The following ASTN1 variants were observed in gnomAD, a reference collection of about 807,000 sequenced individuals.
The protein encoded by ASTN1 is astrotactin-1.
ASTN1 carries 41 observed loss-of-function variants against 140.7 expected under a neutral mutation model. The observed-to-expected ratio is 0.29, with a 90% confidence interval of 0.23 to 0.38. ASTN1 has a LOEUF of 0.38. ASTN1 is among the 10% of genes least tolerant of loss of function. The pLI is 1.00. For missense variants in ASTN1, 1,479 were observed against 1,678.8 expected, an observed-to-expected ratio of 0.88 and a Z score of 2.08; for synonymous variants, 640 against 652.2, an observed-to-expected ratio of 0.98 and a Z score of 0.29.
intron 8 of ASTN1, among the ~76,000 whole-genome samples, chr1:176,985,582 A>C (rs1331890666): frequency 5.9e-5 from 9 of 151,942 alleles, no homozygotes; most frequent in Admixed American, 5.2e-4. Context: ...GTTTGCTGCT[A>C]CCTGGTGGCT....
At chr1:176,906,425 T>A (rs1403531962) in intron 16 of ASTN1, among the ~76,000 whole-genome samples, 1 of 152,208 alleles carries the variant, frequency 6.6e-6, no homozygotes, top group East Asian at 1.9e-4. Flanking sequence ...AGGAAAGTAC[T>A]CTGATAAATA....
intron 2 of ASTN1, among the ~76,000 whole-genome samples, chr1:177,043,813 C>T (rs1029842453): frequency 6.6e-6 from 1 of 152,186 alleles, no homozygotes; most frequent in African/African-American, 2.4e-5. Context: ...CCCTTCATTC[C>T]TTGCCAGCAA....
chr1:176,921,944 A>G (rs953931881), intron 16 of ASTN1, among the ~76,000 whole-genome samples: 6 of 152,154 alleles, frequency 3.9e-5, no homozygotes, highest in Non-Finnish European at 7.4e-5. Flanking sequence ...AAAATATGAC[A>G]TTCACTCGTT....
chr1:177,006,528 C>T (rs977497925), intron 8 of ASTN1, among the ~76,000 whole-genome samples: 4 of 152,026 alleles, frequency 2.6e-5, no homozygotes, highest in African/African-American at 4.8e-5. Flanking sequence ...GTGGAATGCC[C>T]ATGCATGCAG....
At chr1:177,160,913 T>C (rs1266181455) in intron 1 of ASTN1, among the ~76,000 whole-genome samples, 2 of 152,226 alleles carry the variant, frequency 1.3e-5, no homozygotes, top group African/African-American at 4.8e-5. Flanking sequence ...AAGAAGTATA[T>C]TAGGCACAGA....
At chr1:177,039,372 C>G (rs1676868888) in intron 2 of ASTN1, among the ~76,000 whole-genome samples, 1 of 152,236 alleles carries the variant, frequency 6.6e-6, no homozygotes, top group Admixed American at 6.5e-5. Context: ...TAAACACCCT[C>G]TCTCTGATAC....
chr1:177,162,250 C>G (rs868736858), intron 1 of ASTN1, among the ~76,000 whole-genome samples: 1 of 152,200 alleles, frequency 6.6e-6, no homozygotes, highest in African/African-American at 2.4e-5. Context: ...GTTTAACCAC[C>G]CACCCAAACT....
chr1:176,912,567 T>C (rs574826625), intron 16 of ASTN1, among the ~76,000 whole-genome samples: 81 of 152,320 alleles, frequency 5.3e-4, no homozygotes, highest in South Asian at 1.4e-3. Context: ...CCCATTCTCA[T>C]TGAATTCTTA....
In ASTN1 at chr1:177,016,093, T is replaced by C. The variant is rs376107287; in HGVS notation, c.1439-1218A>G. ...TATTTTCTCTTTTCTGAAGATAAAA[T>C]CCAGTAAAAACGAAGTGAAGGGGCC... On this transcript the variant is annotated intron_variant, in intron 7 of 22. Transcript: ENST00000361833. Among the ~76,000 whole-genome samples, 4 of 152,178 alleles carry C rather than the reference T, an allele frequency of 2.6e-5. No homozygotes were observed. In the East Asian group the frequency reaches 7.7e-4, roughly 29 times the overall value.
chr1:176,858,790 G>T (rs1667883552), downstream of ASTN1, among the ~76,000 whole-genome samples: 1 of 152,158 alleles, frequency 6.6e-6, no homozygotes, highest in African/African-American at 2.4e-5. Flanking sequence ...TGGGGTAACT[G>T]GGCTGTGACT....
chr1:176,980,360 C>T (rs909486224), intron 8 of ASTN1, among the ~76,000 whole-genome samples: 1 of 152,034 alleles, frequency 6.6e-6, no homozygotes, highest in Non-Finnish European at 1.5e-5. Flanking sequence ...GGCCTGAGGA[C>T]AGTGGACAGG....
intron 9 of ASTN1, among the ~76,000 whole-genome samples, chr1:176,959,844 C>T (rs551273949): frequency 1.3e-5 from 2 of 152,280 alleles, no homozygotes; most frequent in East Asian, 1.9e-4. Flanking sequence ...GTCAGAGATG[C>T]TTCTGACTCT....
At chr1:177,090,336 C>T (rs953203772) in intron 1 of ASTN1, among the ~76,000 whole-genome samples, 1 of 151,928 alleles carries the variant, frequency 6.6e-6, no homozygotes, top group Non-Finnish European at 1.5e-5. Context: ...ACATGCTAGA[C>T]ATAGCTATAG....
rs1384233893 is a variant in ASTN1, at chr1:177,089,165, G to A, written c.284-27900C>T. On this transcript the variant is annotated intron_variant, in intron 1 of 22. Transcript: ENST00000361833. ...CAGAGGAGGTGACCCAGAAGCTGAC[G>A]CCCTAATCTCATCAATGTGCAGGCA... Among the ~76,000 whole-genome samples, 10 of 152,232 alleles carry A rather than the reference G, an allele frequency of 6.6e-5. No individual in the cohort carries two copies. In the South Asian group the frequency reaches 1.2e-3, roughly 19 times the overall value.
At chr1:177,096,396 A>T (rs1035793106) in intron 1 of ASTN1, among the ~76,000 whole-genome samples, 3 of 152,208 alleles carry the variant, frequency 2.0e-5, no homozygotes, top group African/African-American at 2.4e-5. Context: ...TCTCCCAAAC[A>T]TCATATGTTG....
rs34610563 is a variant in ASTN1, at chr1:177,158,655, CGTGTGTGTGTGTGTGT to C, written c.283+5723_283+5738del. 6.3e-5 allele frequency among the ~76,000 whole-genome samples: 9 copies of C among 142,612 alleles called. No homozygotes were observed. In the South Asian group the frequency reaches 6.9e-4, roughly 11 times the overall value. The allele number at this position is 142,612 out of a possible 152,430, so 93.6% of individuals were successfully genotyped here. ...TTCTAAGAAAAGAAAGAAAAAAGTACGTGTGTGTGTGTGTGTGTGTGTGTGTGTGTGTGTGTGTATG... is the reference window on the plus strand; with the variant it reads ...TTCTAAGAAAAGAAAGAAAAAAGTACGTGTGTGTGTGTGTGTGTGTGTATG... On this transcript the variant is annotated intron_variant, in intron 1 of 22. Transcript: ENST00000361833.
chr1:176,937,218 T>A (rs1671487922), intron 14 of ASTN1, among the ~76,000 whole-genome samples: 1 of 152,254 alleles, frequency 6.6e-6, no homozygotes, highest in Non-Finnish European at 1.5e-5. Context: ...CTCATTTAAC[T>A]GATTTGTGTT....
At chr1:177,081,575 A>G (rs1679180860) in intron 1 of ASTN1, among the ~76,000 whole-genome samples, 1 of 152,172 alleles carries the variant, frequency 6.6e-6, no homozygotes. Context: ...AGCTATATCA[A>G]CTAGCAGGGT....
At chr1:176,963,007 T>C (rs1327290183) in intron 9 of ASTN1, among the ~76,000 whole-genome samples, 3 of 152,192 alleles carry the variant, frequency 2.0e-5, no homozygotes, top group African/African-American at 7.2e-5. Context: ...GCATTTATAT[T>C]ACGAGAAAAA....
Sources: allele counts gnomAD v4.1 joint callset (sites outside exome capture counted in the v4.1 genomes callset), GRCh38; gene constraint gnomAD v4.1.1; transcripts MANE v1.5; gene names NCBI Gene and HGNC (gene_info 2026-07-23, HGNC 2026-07-21).